Variants in PPARGC1B observed in about 807,000 individuals in gnomAD.
PPARGC1B encodes peroxisome proliferator-activated receptor gamma coactivator 1-beta.
PPARGC1B carries 34 observed loss-of-function variants against 101.6 expected under a neutral mutation model. That is an observed-to-expected ratio of 0.33 (90% CI 0.25 to 0.45). The LOEUF (loss-of-function observed/expected upper bound fraction) is 0.45. Ranked by LOEUF, PPARGC1B falls within the 20% of genes least tolerant of loss-of-function variation. The probability of loss-of-function intolerance (pLI) is 1.00; values close to 1 mark genes in which losing one functional copy is unlikely to be tolerated. For missense variants in PPARGC1B, 1,234 were observed against 1,317.6 expected, an observed-to-expected ratio of 0.94 and a Z score of 0.98; for synonymous variants, 548 against 539.3, an observed-to-expected ratio of 1.02 and a Z score of -0.22.
chr5:149,792,308 G>T (rs1241051952), intron 1 of PPARGC1B, among the ~76,000 whole-genome samples: 1 of 152,176 alleles, frequency 6.6e-6, no homozygotes, highest in Admixed American at 6.5e-5. Flanking sequence ...AGTCAGCATG[G>T]AGCATGGCAG....
At chr5:149,801,034 G>A (rs2113290281) in intron 1 of PPARGC1B, among the ~76,000 whole-genome samples, 1 of 152,236 alleles carries the variant, frequency 6.6e-6, no homozygotes, top group African/African-American at 2.4e-5. Context: ...GTAGTGTCAG[G>A]GTTTGTCCCA....
rs1296758578 is a variant in PPARGC1B at position 149,832,594 on chromosome 5, A to T, written c.583-62A>T. 3.0e-6 allele frequency: 4 copies of T among 1,337,830 alleles called. No individual in the cohort carries two copies. Among genetic ancestry groups the T allele is most frequent in the Non-Finnish European group, 4.1e-6 (4 of 979,216 alleles). 82.9% of individuals were successfully genotyped at this position (1,337,830 alleles called of 1,614,324 possible). On this transcript the variant is annotated intron_variant, in intron 4 of 11. Transcript: ENST00000309241. This position sits in a 1 kb window ranked among gnomAD's most constrained non-coding sequence, Gnocchi z 4.9. ...AATGGGCCAGCCAGTGACCATGCGG[A>T]TGAGACACATGGGAGGAGTGTTTGG...
chr5:149,735,846 C>T (rs1327341856), intron 1 of PPARGC1B, among the ~76,000 whole-genome samples: 2 of 152,230 alleles, frequency 1.3e-5, no homozygotes, highest in African/African-American at 4.8e-5. Flanking sequence ...AATGCAGAGG[C>T]CGGGTGCGGC....
rs192359148 is a variant in PPARGC1B at position 149,752,667 on chromosome 5, A to G, written c.78+22247A>G. Among the ~76,000 whole-genome samples, 6 of 152,246 alleles carry G rather than the reference A, an allele frequency of 3.9e-5. No homozygotes were observed. The East Asian group carries it at 1.2e-3, about 29-fold the overall frequency. On this transcript the variant is annotated intron_variant, in intron 1 of 11. Transcript: ENST00000309241. ...AACATGGTGAAACCCTGTCTCCACT[A>G]AAAATACAAAAATTAGCCAGGCGTG...
intron 1 of PPARGC1B, among the ~76,000 whole-genome samples, chr5:149,785,198 A>T (rs4705092): frequency 0.057 from 8,687 of 152,274 alleles, 354 homozygotes; most frequent in Middle Eastern, 0.11. Context: ...CTCAGTCTCC[A>T]GTCCACACAA....
intron 1 of PPARGC1B, among the ~76,000 whole-genome samples, chr5:149,734,782 T>C: frequency 6.6e-6 from 1 of 152,220 alleles, no homozygotes; most frequent in East Asian, 1.9e-4. Context: ...TTTTTACCAG[T>C]CTGTTCGTCA....
At chr5:149,855,173 C>T (rs1356467773), downstream of PPARGC1B, among the ~76,000 whole-genome samples, 1 of 152,148 alleles carries the variant, frequency 6.6e-6, no homozygotes, top group Non-Finnish European at 1.5e-5. Context: ...CACACTTCTC[C>T]CTCCTTCAGA....
At chr5:149,804,586 C>A (rs1029592912) in intron 1 of PPARGC1B, among the ~76,000 whole-genome samples, 3 of 152,180 alleles carry the variant, frequency 2.0e-5, no homozygotes, top group African/African-American at 7.2e-5. Context: ...GCAGGAGAAT[C>A]GCTTGAACCC....
chr5:149,747,198 C>G (rs1278879032), intron 1 of PPARGC1B, among the ~76,000 whole-genome samples: 1 of 152,224 alleles, frequency 6.6e-6, no homozygotes, highest in Admixed American at 6.5e-5. Flanking sequence ...CCTTTGCCTG[C>G]TTTGTTTTTT....
At chr5:149,807,800 A>G (rs1446887841) in intron 1 of PPARGC1B, among the ~76,000 whole-genome samples, 2 of 152,142 alleles carry the variant, frequency 1.3e-5, no homozygotes, top group Non-Finnish European at 2.9e-5. Context: ...CCCATTGCAG[A>G]GATGTTGAAA....
intron 1 of PPARGC1B, among the ~76,000 whole-genome samples, chr5:149,794,860 C>T (rs1757152049): frequency 6.6e-6 from 1 of 152,238 alleles, no homozygotes; most frequent in Non-Finnish European, 1.5e-5. Context: ...GATTGGAATG[C>T]AGGCACCAGG....
At chr5:149,772,652 C>T (rs1380916213) in intron 1 of PPARGC1B, among the ~76,000 whole-genome samples, 1 of 152,156 alleles carries the variant, frequency 6.6e-6, no homozygotes, top group Non-Finnish European at 1.5e-5. Context: ...CTTATAAGGG[C>T]ACCAGTCATA....
At chr5:149,813,450 C>G (rs1757936273) in intron 1 of PPARGC1B, among the ~76,000 whole-genome samples, 1 of 152,168 alleles carries the variant, frequency 6.6e-6, no homozygotes, top group Non-Finnish European at 1.5e-5. Flanking sequence ...ATTCCCCCAA[C>G]AGAAACCACA....
downstream of PPARGC1B, among the ~76,000 whole-genome samples, chr5:149,856,834 A>G (rs1242243361): frequency 6.8e-6 from 1 of 147,014 alleles, no homozygotes; most frequent in Non-Finnish European, 1.5e-5. Flanking sequence ...GCAATGGTGC[A>G]ATCTCGGCTC....
rs539472838 is a variant in PPARGC1B at position 149,837,666 on chromosome 5, G to A, written c.2618+593G>A. Reference sequence around the variant, plus strand: ...CCGCTTGCTCGTATCATCCTCGCTCGCTGAACCAGACTGGAGAAGAAGCCA... The same window carrying A: ...CCGCTTGCTCGTATCATCCTCGCTCACTGAACCAGACTGGAGAAGAAGCCA... On this transcript the variant is annotated intron_variant, in intron 8 of 11. Transcript: ENST00000309241. This position sits in a 1 kb window ranked among gnomAD's most constrained non-coding sequence, Gnocchi z 4.2. Among the ~76,000 whole-genome samples the A allele has an allele frequency of 6.6e-6, 1 of 152,304 alleles. No homozygotes were observed. The highest frequency in any genetic ancestry group is 1.9e-4 in the East Asian group (1 of 5,180).
At chr5:149,830,923 G>A in intron 4 of PPARGC1B, 40 bp downstream of exon 4, 1 of 1,394,854 alleles carries the variant, frequency 7.2e-7, no homozygotes, top group Non-Finnish European at 1.0e-6. Flanking sequence ...CCAGGTGTCT[G>A]TTGGGGCTGC....
intron 1 of PPARGC1B, among the ~76,000 whole-genome samples, chr5:149,784,931 T>C (rs1017631196): frequency 6.6e-6 from 1 of 152,120 alleles, no homozygotes; most frequent in Non-Finnish European, 1.5e-5. Context: ...GCCTGAGGTC[T>C]CCCCCATCTG....
chr5:149,830,675 G>T, intron 3 of PPARGC1B, 92 bp from the exon 4 acceptor site: 1 of 882,688 alleles, frequency 1.1e-6, no homozygotes, highest in South Asian at 1.4e-5. Flanking sequence ...GTCCTGTGAT[G>T]CCCAAGGTCA....
intron 9 of PPARGC1B, among the ~76,000 whole-genome samples, 162 bp downstream of exon 9, chr5:149,840,278 T>C (rs973702846): frequency 1.3e-5 from 2 of 152,098 alleles, no homozygotes; most frequent in African/African-American, 4.8e-5. Flanking sequence ...CAATGATATT[T>C]CTCTCATTTG....
Sources: allele counts gnomAD v4.1 joint callset (sites outside exome capture counted in the v4.1 genomes callset), GRCh38; gene constraint gnomAD v4.1.1; non-coding constraint Gnocchi (gnomAD v3.1); transcripts MANE v1.5; gene names NCBI Gene and HGNC (gene_info 2026-07-23, HGNC 2026-07-21).